The following MYH3 variants were observed in gnomAD, a reference collection of about 807,000 sequenced individuals.
MYH3 encodes the protein myosin-3.
MYH3 carries 130 observed loss-of-function variants against 238.0 expected under a neutral mutation model. The observed-to-expected ratio is 0.55, with a 90% CI of 0.47 to 0.63. The LOEUF (loss-of-function observed/expected upper bound fraction) is 0.63. Among genes scored for constraint, MYH3 ranks in the 30% least tolerant of loss-of-function variants. MYH3 has a pLI of 0.00. For synonymous variants in MYH3, 880 were observed against 924.1 expected (o/e 0.95, Z 0.86); for missense variants, 1,853 against 2,374.9 (o/e 0.78, Z 4.57).
At chr17:10,633,038 C>T (rs2074180698) in intron 33 of MYH3, among the ~76,000 whole-genome samples, 2 of 152,188 alleles carry the variant, frequency 1.3e-5, no homozygotes, top group South Asian at 4.2e-4. Context: ...GTAGTGAAAC[C>T]CTGTCTCTAC....
chr17:10,663,744 C>A, the MYH3 span, among the ~76,000 whole-genome samples: 8 of 143,566 alleles, frequency 5.6e-5, no homozygotes, highest in African/African-American at 1.5e-4. Context: ...GTCACCTATT[C>A]CAAAAACTAA....
rs2074384761 is a variant in MYH3, at chr17:10,652,365, C to A, written c.348+55G>T. On this transcript the variant is annotated intron_variant, in intron 4 of 40. Transcript: ENST00000583535. ...CCCACACACATACCTCTGCCTCCCTCCCCTGCCCGCATATCTAATGCCCCA... is the reference window on the plus strand; with the variant it reads ...CCCACACACATACCTCTGCCTCCCTACCCTGCCCGCATATCTAATGCCCCA... 1.9e-6 allele frequency: 3 copies of A among 1,600,384 alleles called. No individual in the cohort carries two copies. The Admixed American group carries it at 5.0e-5, about 27-fold the overall frequency.
At chr17:10,663,113 A>G in the MYH3 span, among the ~76,000 whole-genome samples, 2 of 146,834 alleles carry the variant, frequency 1.4e-5, no homozygotes, top group East Asian at 3.9e-4. Context: ...AAAAAAAGTA[A>G]ACTGAAATAA....
At chr17:10,671,863 G>A in the MYH3 span, among the ~76,000 whole-genome samples, 1 of 152,138 alleles carries the variant, frequency 6.6e-6, no homozygotes, top group Non-Finnish European at 1.5e-5. Context: ...ACAGGCGTGA[G>A]CACCTGTAAT....
intron 10 of MYH3, 56 bp from the exon 11 acceptor site, chr17:10,646,088 A>C: frequency 6.9e-7 from 1 of 1,442,416 alleles, no homozygotes; most frequent in Non-Finnish European, 9.7e-7. Flanking sequence ...AAACCCACCC[A>C]GTGGACTTGA....
At position 10,634,162 on chromosome 17, in the gene MYH3, T is replaced by C. The variant is rs1283051851; in HGVS notation, c.4377A>G (p.Thr1459=). The stretch of plus-strand genomic sequence containing the variant: ...GCTCTGCTTGGCTCTCCTCACACTT[T>C]GTCTTCCACTCTGCCAACACCTGAA... The part of the protein sequence containing the change: ...NFDKVLAEWK[T]KCEESQAELE... The change falls in exon 32 of 41, where the codon ACA becomes ACG. Residue 1459 remains threonine, a synonymous_variant. Transcript: ENST00000583535. 6.2e-7 allele frequency: 1 copy of C among 1,614,226 alleles called. No individual in the cohort carries two copies. Among genetic ancestry groups the C allele is most frequent in the South Asian group, 1.1e-5 (1 of 91,082 alleles).
upstream of MYH3, among the ~76,000 whole-genome samples, chr17:10,659,749 C>A (rs191785242): frequency 3.9e-5 from 6 of 152,330 alleles, no homozygotes; most frequent in East Asian, 1.2e-3. Context: ...TGAACCATCT[C>A]TTTGGCTGAA....
Position 10,639,192 on chromosome 17 carries a change from G to GA in MYH3, c.3103-4dup, listed in dbSNP as rs1411344311. The GA allele has an allele frequency of 6.2e-7, 1 of 1,614,150 alleles. No individual in the cohort carries two copies. The highest frequency in any genetic ancestry group is 1.1e-5 in the South Asian group (1 of 91,078). ...TCTTGTTCTAGGGAGCTTTCCAGCTGAAAAAGGCACCATTTCCTTTTGGGA... is the reference window on the plus strand; with the variant it reads ...TCTTGTTCTAGGGAGCTTTCCAGCTGAAAAAAGGCACCATTTCCTTTTGGGA... On this transcript the variant is annotated splice_region_variant and splice_polypyrimidine_tract_variant and intron_variant, in intron 24 of 40. Coordinates refer to ENST00000583535, the MANE Select transcript of MYH3 (RefSeq NM_002470.4).
chr17:10,631,437 C>G (rs2074155720), intron 36 of MYH3, among the ~76,000 whole-genome samples, 174 bp downstream of exon 36: 1 of 152,116 alleles, frequency 6.6e-6, no homozygotes, highest in Admixed American at 6.5e-5. Flanking sequence ...TTTTCTTATG[C>G]CCTTCTTCTA....
upstream of MYH3, among the ~76,000 whole-genome samples, chr17:10,658,240 C>T (rs2074453497): frequency 6.6e-6 from 1 of 152,190 alleles, no homozygotes; most frequent in Non-Finnish European, 1.5e-5. Flanking sequence ...GACGCTTTTG[C>T]CCATTCTCGT....
the MYH3 span, among the ~76,000 whole-genome samples, chr17:10,666,419 A>AAAAAAAAAAAAACAT: frequency 7.3e-6 from 1 of 136,708 alleles, no homozygotes; most frequent in African/African-American, 2.7e-5. Flanking sequence ...GTCTCTACAA[A>AAAAAAAAAAAAACAT]AAAAAACCAG....
Position 10,634,000 on chromosome 17 carries a change from G to A in MYH3, c.4522+17C>T, listed in dbSNP as rs751175168. The A allele has an allele frequency of 6.2e-6, 10 of 1,612,660 alleles. No individual in the cohort carries two copies. The highest frequency in any genetic ancestry group is 4.0e-5 in the African/African-American group (3 of 74,898). On this transcript the variant is annotated intron_variant, in intron 32 of 40. Coordinates refer to ENST00000583535, the MANE Select transcript of MYH3 (RefSeq NM_002470.4). ...AGCATGAAAGGAGGAGGTTTCAGAG[G>A]GTTTCGAATAGCTTACGCTCTAAGT...
chr17:10,643,147 T>C (rs1410469160), intron 14 of MYH3, 151 bp from the exon 15 acceptor site: 3 of 1,437,774 alleles, frequency 2.1e-6, no homozygotes, highest in Admixed American at 4.0e-5. Context: ...TCAGACCGCA[T>C]CTCCTCCTTG....
chr17:10,672,676 T>C, the MYH3 span: 2 of 152,222 alleles, frequency 1.3e-5, no homozygotes, highest in Non-Finnish European at 2.9e-5. Context: ...GTTGAAGACT[T>C]AAGTCAGGAG....
intron 28 of MYH3, among the ~76,000 whole-genome samples, chr17:10,637,388 C>T (rs954787342): frequency 6.6e-6 from 1 of 152,116 alleles, no homozygotes; most frequent in African/African-American, 2.4e-5. Context: ...TACACCAGGA[C>T]CTTTAAACAC....
upstream of MYH3, among the ~76,000 whole-genome samples, chr17:10,662,104 C>A (rs1467887620): frequency 6.6e-6 from 1 of 151,998 alleles, no homozygotes; most frequent in Non-Finnish European, 1.5e-5. Flanking sequence ...TCACTACAAC[C>A]TCGGCCTCCC....
the MYH3 span, among the ~76,000 whole-genome samples, chr17:10,666,633 G>GCAGTCT: frequency 2.7e-5 from 4 of 150,728 alleles, no homozygotes; most frequent in African/African-American, 9.8e-5. Context: ...GTGCATGCCT[G>GCAGTCT]CAGTCTCAGT....
At position 10,639,915 on chromosome 17, in the gene MYH3, C is replaced by T. The variant is rs58732735; in HGVS notation, c.2682+81G>A. Reference sequence around the variant, plus strand: ...GCATTTCAACTAAAAAGCAAAAATCCCCACCAATAACTCAATTTTTCTAAA... The same window carrying T: ...GCATTTCAACTAAAAAGCAAAAATCTCCACCAATAACTCAATTTTTCTAAA... On this transcript the variant is annotated intron_variant, in intron 22 of 40. Coordinates refer to ENST00000583535, the MANE Select transcript of MYH3 (RefSeq NM_002470.4). The T allele has an allele frequency of 2.9e-3, 4,642 of 1,588,584 alleles. 138 individuals are homozygous for T. In the African/African-American group the frequency reaches 0.057, roughly 20 times the overall value.
At chr17:10,667,127 T>C in the MYH3 span, among the ~76,000 whole-genome samples, 8 of 152,162 alleles carry the variant, frequency 5.3e-5, no homozygotes, top group Admixed American at 6.5e-5. Context: ...GGGTGGAAAA[T>C]TGTGCAACTG....
Sources: allele counts gnomAD v4.1 joint callset (sites outside exome capture counted in the v4.1 genomes callset), GRCh38; gene constraint gnomAD v4.1.1; transcripts MANE v1.5; gene names NCBI Gene and HGNC (gene_info 2026-07-23, HGNC 2026-07-21).